CASK: variants seen among roughly 807,000 people sequenced by gnomAD.
CASK encodes the protein peripheral plasma membrane protein CASK.
A neutral mutation model predicts 82.9 loss-of-function variants in CASK; 4 were observed. That is an observed-to-expected ratio of 0.05 (90% CI 0.02 to 0.11). The LOEUF is 0.11. Among genes scored for constraint, CASK ranks in the 10% least tolerant of loss-of-function variants. CASK has a pLI of 1.00. For missense variants in CASK, 358 were observed against 720.9 expected (o/e 0.50, Z 5.76); for synonymous variants, 259 against 253.5 (o/e 1.02, Z -0.20).
At chrX:41,622,588 A>C in intron 11 of CASK, 29 bp downstream of exon 11, 2 of 1,174,853 alleles carry the variant, frequency 1.7e-6, no homozygotes, top group Non-Finnish European at 2.3e-6. Flanking sequence ...TAAAAGATAC[A>C]CCTTAAAGGA....
rs149301398 is a variant in CASK at position 41,803,108 on chromosome X, C to T, written c.173-15825G>A. Among the ~76,000 whole-genome samples the T allele has an allele frequency of 1.6e-3, 178 of 111,073 alleles. 1 individual carries two copies. Among genetic ancestry groups the T allele is most frequent in the African/African-American group, 5.5e-3 (169 of 30,540 alleles). On this transcript the variant is annotated intron_variant, in intron 2 of 26. Coordinates refer to ENST00000378163, the MANE Select transcript of CASK (RefSeq NM_001367721.1). ...TGAAAGGCAAAAGGAATTCTCATGA[C>T]GAGCCCAGCAGGCCAGGACAGCAAC...
intron 12 of CASK, chrX:41,589,963 T>TA (rs11394054): frequency 2.1e-3 from 344 of 165,125 alleles, no homozygotes; most frequent in African/African-American, 9.2e-3. Flanking sequence ...AAGGCACGTC[T>TA]ACACGGAGTA....
intron 14 of CASK, among the ~76,000 whole-genome samples, chrX:41,581,740 G>GTA (rs763246347): frequency 0.015 from 1,511 of 103,658 alleles, 12 homozygotes; most frequent in African/African-American, 0.039. Flanking sequence ...ATTTAATATA[G>GTA]TATATATATA....
intron 3 of CASK, among the ~76,000 whole-genome samples, chrX:41,782,748 T>G (rs1335423483): frequency 1.8e-5 from 2 of 112,172 alleles, no homozygotes; most frequent in African/African-American, 6.5e-5. Context: ...TCTACTACAC[T>G]GTCACTAAGT....
rs766047154 is a variant in CASK at position 41,671,370 on chromosome X, T to C, written c.532+58A>G. 2.5e-5 allele frequency: 18 copies of C among 714,476 alleles called. No individual in the cohort carries two copies. The South Asian group carries it at 4.0e-4, about 16-fold the overall frequency. 58.9% of individuals were successfully genotyped at this position (714,476 alleles called of 1,213,427 possible). On this transcript the variant is annotated intron_variant, in intron 6 of 26. Coordinates refer to ENST00000378163, the MANE Select transcript of CASK (RefSeq NM_001367721.1). ...GGGCTAATATGTAGCTTGAAAGTTT[T>C]ATACCAGTCGCAAGTGACCAGGTTT... is the stretch of plus-strand genomic sequence containing the variant.
At chrX:41,743,097 A>G (rs1213151163) in intron 4 of CASK, among the ~76,000 whole-genome samples, 2 of 112,105 alleles carry the variant, frequency 1.8e-5, no homozygotes, top group Non-Finnish European at 3.8e-5. Flanking sequence ...TCACACTACC[A>G]TCCTGCTTAT....
At chrX:41,876,496 A>T (rs2071822861) in intron 1 of CASK, among the ~76,000 whole-genome samples, 1 of 111,735 alleles carries the variant, frequency 8.9e-6, no homozygotes, top group Non-Finnish European at 1.9e-5. Context: ...CTCTTTCATT[A>T]GAAGCAAATA....
chrX:41,841,415 T>C (rs1345534968), intron 2 of CASK, among the ~76,000 whole-genome samples: 1 of 111,195 alleles, frequency 9.0e-6, no homozygotes, highest in Non-Finnish European at 1.9e-5. Flanking sequence ...TTATTGTTGA[T>C]TTTCAAGAGT....
At chrX:41,894,053 T>C (rs1330334029) in intron 1 of CASK, among the ~76,000 whole-genome samples, 1 of 111,689 alleles carries the variant, frequency 9.0e-6, no homozygotes, top group Non-Finnish European at 1.9e-5. Context: ...AATAGAAACT[T>C]CCTGAGGGGG....
At chrX:41,782,670 C>G (rs1253403633) in intron 3 of CASK, among the ~76,000 whole-genome samples, 1 of 111,785 alleles carries the variant, frequency 8.9e-6, no homozygotes, top group Non-Finnish European at 1.9e-5. Flanking sequence ...GCCAACCTCA[C>G]ATAATTAGTA....
In CASK at chrX:41,764,607, C is replaced by T. The variant is rs186049462; in HGVS notation, c.279-19006G>A. On this transcript the variant is annotated intron_variant, in intron 3 of 26. Transcript: ENST00000378163. ...GCCCAAGCCAGAGACGGCAAGTCAG[C>T]TTTGACTCCTCTTCCTCCTTTACTT... 2.3e-4 allele frequency among the ~76,000 whole-genome samples: 26 copies of T among 111,720 alleles called. 1 individual carries two copies. Among genetic ancestry groups the T allele is most frequent in the Non-Finnish European group, 3.0e-4 (16 of 53,175 alleles).
chrX:41,826,752 C>G (rs1426991431), intron 2 of CASK, among the ~76,000 whole-genome samples: 1 of 112,147 alleles, frequency 8.9e-6, no homozygotes, highest in Non-Finnish European at 1.9e-5. Context: ...GCTGGGATTA[C>G]AGGTGTGAGC....
intron 11 of CASK, among the ~76,000 whole-genome samples, chrX:41,619,857 GAC>G (rs2066260060): frequency 8.9e-6 from 1 of 112,209 alleles, no homozygotes; most frequent in Non-Finnish European, 1.9e-5. Context: ...TACATATGTT[GAC>G]AGTTTGCTGT....
chrX:41,679,673 T>C (rs764960569), intron 5 of CASK, among the ~76,000 whole-genome samples: 13 of 111,902 alleles, frequency 1.2e-4, no homozygotes, highest in African/African-American at 3.9e-4. Context: ...ATATATTTAA[T>C]GTGTTTTAAT....
At chrX:41,816,242 C>T (rs1259206695) in intron 2 of CASK, among the ~76,000 whole-genome samples, 1 of 111,991 alleles carries the variant, frequency 8.9e-6, no homozygotes, top group Admixed American at 9.5e-5. Flanking sequence ...ATAACACAGT[C>T]AACTCATCAA....
chrX:41,575,529 C>A (rs1369055115), intron 15 of CASK, among the ~76,000 whole-genome samples: 1 of 104,063 alleles, frequency 9.6e-6, no homozygotes. Context: ...ATGGGAATTC[C>A]AATCAATAAA....
intron 1 of CASK, among the ~76,000 whole-genome samples, chrX:41,921,751 G>A (rs1477813689): frequency 1.8e-5 from 2 of 108,614 alleles, no homozygotes; most frequent in African/African-American, 6.7e-5. Context: ...AAACAAATTA[G>A]CACTCAAATT....
At chrX:41,532,477 T>C (rs1451131535) in intron 24 of CASK, among the ~76,000 whole-genome samples, 1 of 111,817 alleles carries the variant, frequency 8.9e-6, no homozygotes, top group African/African-American at 3.3e-5. Context: ...TGGATACTAA[T>C]AGGACCAGTA....
rs764043387 is a variant in CASK, at chrX:41,789,581, G to A, written c.173-2298C>T. On this transcript the variant is annotated intron_variant, in intron 2 of 26. Transcript: ENST00000378163. The stretch of plus-strand genomic sequence containing the variant: ...AGGAAAGCTTTTAACAAGTGTGCTG[G>A]AGGGCCAGGCTGAGCCAGACAACAT... 9.8e-5 allele frequency among the ~76,000 whole-genome samples: 11 copies of A among 112,007 alleles called. No individual in the cohort carries two copies. The East Asian group carries it at 3.1e-3, about 32-fold the overall frequency.
Sources: gnomAD v4.1 joint callset for allele counts (sites outside exome capture counted in the v4.1 genomes callset) on GRCh38, gnomAD v4.1.1 for gene constraint, MANE v1.5 for transcripts, NCBI Gene and HGNC (gene_info 2026-07-23, HGNC 2026-07-21) for gene names.